Variants in SGCD observed in about 807,000 individuals in gnomAD.
SGCD encodes the protein sarcoglycan delta, also known as delta-sarcoglycan.
Under a neutral mutation model 36.6 loss-of-function variants are expected in SGCD, and 18 were observed. The ratio of observed to expected loss-of-function variants is 0.49; its 90% CI spans 0.34 to 0.73. SGCD has a LOEUF of 0.73. Ranked by LOEUF, SGCD falls within the 30% of genes least tolerant of loss-of-function variation. SGCD has a pLI of 0.01. For synonymous variants in SGCD, 133 were observed against 130.6 expected (o/e 1.02, Z -0.12); for missense variants, 387 against 346.7 (o/e 1.12, Z -0.92).
chr5:155,968,492 A>T (rs1039865364), intron 1 of SGCD, among the ~76,000 whole-genome samples: 5 of 152,044 alleles, frequency 3.3e-5, no homozygotes, highest in Non-Finnish European at 5.9e-5. Flanking sequence ...AGAGAGAAAG[A>T]CCACCCCATG....
intron 4 of SGCD, among the ~76,000 whole-genome samples, chr5:156,545,121 T>TTTTG (rs963638677): frequency 6.6e-6 from 1 of 152,336 alleles, no homozygotes; most frequent in Non-Finnish European, 1.5e-5. Context: ...TAGTGACTTT[T>TTTTG]TTTGTTTGTT....
chr5:156,519,078 A>G (rs559543067), intron 4 of SGCD, among the ~76,000 whole-genome samples: 2 of 152,184 alleles, frequency 1.3e-5, no homozygotes, highest in South Asian at 4.1e-4. Flanking sequence ...TTTGAAAAAA[A>G]AATTAATAAA....
the SGCD span, among the ~76,000 whole-genome samples, chr5:155,752,782 C>CTTTTTT: frequency 1.5e-4 from 23 of 152,284 alleles, no homozygotes; most frequent in African/African-American, 5.3e-4. Context: ...GATAAATTAA[C>CTTTTTT]TTTTGAATGT....
At chr5:156,179,823 CA>C (rs1263147834) in intron 3 of SGCD, among the ~76,000 whole-genome samples, 26 of 152,076 alleles carry the variant, frequency 1.7e-4, no homozygotes, top group Non-Finnish European at 7.4e-5. Context: ...GGGGTTTCAT[CA>C]TGTTGCCCAG....
intron 4 of SGCD, among the ~76,000 whole-genome samples, chr5:156,563,180 C>T (rs1561780704): frequency 6.6e-6 from 1 of 152,060 alleles, no homozygotes; most frequent in Admixed American, 6.6e-5. Context: ...TGGGGTTTCA[C>T]CATGTTGGCC....
intron 1 of SGCD, among the ~76,000 whole-genome samples, chr5:155,947,506 G>A (rs1757463859): frequency 6.6e-6 from 1 of 151,918 alleles, no homozygotes; most frequent in Non-Finnish European, 1.5e-5. Context: ...CATGGTTTTT[G>A]GACCCAGACC....
chr5:155,958,981 A>G (rs748822701), intron 1 of SGCD, among the ~76,000 whole-genome samples: 10 of 152,028 alleles, frequency 6.6e-5, no homozygotes, highest in East Asian at 1.9e-4. Flanking sequence ...GTGTCCCCCA[A>G]ATTTGGGAGT....
the SGCD span, among the ~76,000 whole-genome samples, chr5:155,862,731 G>C: frequency 5.8e-4 from 89 of 152,316 alleles, no homozygotes; most frequent in African/African-American, 2.1e-3. Context: ...ATGAGAATAA[G>C]ACATGTGTGA....
chr5:156,238,271 T>C (rs1765216807), intron 3 of SGCD, among the ~76,000 whole-genome samples: 1 of 152,224 alleles, frequency 6.6e-6, no homozygotes, highest in Non-Finnish European at 1.5e-5. Context: ...GTATCTAATT[T>C]TGTATGTTTG....
intron 3 of SGCD, among the ~76,000 whole-genome samples, chr5:156,277,357 T>TGTCA (rs1244547607): frequency 4.6e-5 from 7 of 152,344 alleles, no homozygotes; most frequent in African/African-American, 1.7e-4. Flanking sequence ...TCTTGGCCCT[T>TGTCA]GTCATATTTT....
In SGCD at chr5:155,998,883, C is replaced by A. The variant is rs78552856; in HGVS notation, c.-281-118995C>A. ...TTACAGACATTCTTTGTTAGATTTTCTCTGATAATTTCATTAGAAGTAAAC... is the reference window on the plus strand; with the variant it reads ...TTACAGACATTCTTTGTTAGATTTTATCTGATAATTTCATTAGAAGTAAAC... On this transcript the variant is annotated intron_variant, in intron 1 of 9. Coordinates refer to the SGCD transcript ENST00000517913. Among the ~76,000 whole-genome samples the A allele has an allele frequency of 3.7e-3, 569 of 152,256 alleles. 1 individual carries two copies. The highest frequency in any genetic ancestry group is 0.013 in the African/African-American group (535 of 41,562).
At chr5:156,346,361 C>T (rs551085428) in intron 3 of SGCD, among the ~76,000 whole-genome samples, 61 of 152,218 alleles carry the variant, frequency 4.0e-4, no homozygotes, top group African/African-American at 9.4e-4. Flanking sequence ...GACAGTGGTA[C>T]GATCATAGCT....
At chr5:155,980,431 A>G (rs1758202284) in intron 1 of SGCD, among the ~76,000 whole-genome samples, 1 of 151,616 alleles carries the variant, frequency 6.6e-6, no homozygotes, top group Admixed American at 6.6e-5. Context: ...TAAAAATACA[A>G]AACAAATGTA....
the SGCD span, among the ~76,000 whole-genome samples, chr5:155,750,779 G>T: frequency 6.6e-6 from 1 of 152,184 alleles, no homozygotes; most frequent in Non-Finnish European, 1.5e-5. Context: ...AGTTACTTGG[G>T]AGTCCTCAAG....
chr5:156,469,723 T>C (rs1451718077), intron 3 of SGCD, among the ~76,000 whole-genome samples: 3 of 152,230 alleles, frequency 2.0e-5, no homozygotes, highest in African/African-American at 7.2e-5. Context: ...GTTTCTTACT[T>C]GAGATTAGCT....
chr5:155,852,484 C>T, the SGCD span, among the ~76,000 whole-genome samples: 1 of 152,044 alleles, frequency 6.6e-6, no homozygotes, highest in African/African-American at 2.4e-5. Context: ...AATAGCCTAA[C>T]TTTTATAATT....
At chr5:156,757,735 A>G (rs1196546294) in intron 8 of SGCD, 31 bp downstream of exon 8, 1 of 1,590,980 alleles carries the variant, frequency 6.3e-7, no homozygotes. Flanking sequence ...AAGTTCAAAG[A>G]GCTACAGCTT....
At chr5:156,235,100 C>T (rs1456623841) in intron 3 of SGCD, among the ~76,000 whole-genome samples, 1 of 152,108 alleles carries the variant, frequency 6.6e-6, no homozygotes, top group African/African-American at 2.4e-5. Context: ...ATGCTTTCCC[C>T]CTTCCTTAAC....
chr5:156,499,163 T>C (rs1756341088), intron 3 of SGCD, among the ~76,000 whole-genome samples: 1 of 152,170 alleles, frequency 6.6e-6, no homozygotes, highest in African/African-American at 2.4e-5. Context: ...TTTTCTCTAC[T>C]GTTAAATGGG....
Sources: gnomAD v4.1 joint callset for allele counts (sites outside exome capture counted in the v4.1 genomes callset) on GRCh38, gnomAD v4.1.1 for gene constraint, MANE v1.5 for transcripts, NCBI Gene and HGNC (gene_info 2026-07-23, HGNC 2026-07-21) for gene names.